MUC5AC: variants seen among roughly 807,000 people sequenced by gnomAD.
MUC5AC encodes mucin-5AC.
MUC5AC carries 158 observed loss-of-function variants against 169.7 expected under a neutral mutation model. The ratio of observed to expected loss-of-function variants is 0.93; its 90% CI spans 0.82 to 1.06. The LOEUF is 1.06. Ranked by LOEUF, MUC5AC falls within the 50% of genes least tolerant of loss-of-function variation. The pLI is 0.00. For synonymous variants in MUC5AC, 1,975 were observed against 1,237.0 expected (o/e 1.60, Z -12.52); for missense variants, 4,359 against 3,089.9 (o/e 1.41, Z -9.74).
intron 37 of MUC5AC, 30 bp from the exon 38 acceptor site, chr11:1,196,358 C>T (rs1861272043): frequency 1.3e-6 from 1 of 763,586 alleles, no homozygotes; most frequent in Non-Finnish European, 2.4e-6. Flanking sequence ...GCCCTCCCAC[C>T]CTCTCAGGTG....
At chr11:1,165,881 G>A (rs1860309951) in intron 11 of MUC5AC, 121 bp downstream of exon 11, 8 of 1,404,408 alleles carry the variant, frequency 5.7e-6, no homozygotes, top group South Asian at 2.6e-5. Flanking sequence ...GGGGGTCCCC[G>A]ATGTTGAGAC....
chr11:1,198,556 C>T (rs968854971), intron 43 of MUC5AC, among the ~76,000 whole-genome samples: 1 of 152,150 alleles, frequency 6.6e-6, no homozygotes, highest in South Asian at 2.1e-4. Flanking sequence ...CCTGGCACCA[C>T]AGCACAGCCA....
intron 1 of MUC5AC, among the ~76,000 whole-genome samples, chr11:1,159,995 GT>G (rs1158311612): frequency 6.8e-6 from 1 of 146,870 alleles, no homozygotes; most frequent in African/African-American, 2.6e-5. Flanking sequence ...CGGGGCTGGG[GT>G]CTGGTCCCAC....
chr11:1,169,594 C>T (rs1860438459), intron 15 of MUC5AC, among the ~76,000 whole-genome samples: 1 of 144,748 alleles, frequency 6.9e-6, no homozygotes, highest in African/African-American at 2.6e-5. Context: ...ACTCACTCAC[C>T]TCACTCACTC....
chr11:1,194,301 T>C lies in MUC5AC; in HGVS notation c.14947T>C (p.Tyr4983His), dbSNP rs572099834. 4.0e-5 allele frequency: 30 copies of C among 755,000 alleles called. No individual in the cohort carries two copies. The Admixed American group carries it at 5.2e-4, about 13-fold the overall frequency. The allele number at this position is 755,000 out of a possible 1,614,324, so 46.8% of individuals were successfully genotyped here. A position where few individuals can be genotyped will look rare whatever the true frequency, so the allele number is the denominator to read the frequency against. Residue 4983 changes from tyrosine to histidine, a missense_variant, in exon 34 of 49, where the codon TAC (tyrosine) becomes CAC (histidine). Tyr to His is a moderately conservative substitution (Grantham distance 83). Transcript: ENST00000621226. ...CTGCCCGAGGTCCATCATCCTGGAG[T>C]ACCACCAGGACCGCGTGGTGCTGAC... Reference protein sequence around the residue: ...LSCPRSIILEYHQDRVVLTRK... With the variant: ...LSCPRSIILEHHQDRVVLTRK...
Position 1,189,421 on chromosome 11 carries a change from G to A in MUC5AC, c.11276G>A (p.Ser3759Asn), listed in dbSNP as rs1162517547. 1.1e-5 allele frequency: 6 copies of A among 560,264 alleles called. No individual in the cohort carries two copies. Among genetic ancestry groups the A allele is most frequent in the South Asian group, 2.6e-5 (1 of 38,948 alleles). 34.7% of individuals were successfully genotyped at this position (560,264 alleles called of 1,614,324 possible). A position where few individuals can be genotyped will look rare whatever the true frequency, so the allele number is the denominator to read the frequency against. ...AGCACAACCTCTGCTCCCACAGCCA[G>A]CACAACGTCAGCTCCTACGAGCACT... ...TTSTTSAPTA[S>N]TTSAPTSTSS... Residue 3759 changes from serine (S) to asparagine (N), a missense_variant, in exon 31 of 49, where the codon AGC becomes AAC. By Grantham distance (46) the Ser-to-Asn change is conservative. Coordinates refer to ENST00000621226, the MANE Select transcript of MUC5AC (RefSeq NM_001304359.2).
At chr11:1,169,947 C>A (rs1860451632) in intron 15 of MUC5AC, among the ~76,000 whole-genome samples, 15 of 144,512 alleles carry the variant, frequency 1.0e-4, no homozygotes, top group Non-Finnish European at 1.1e-4. Context: ...CCCACTCACC[C>A]ACTCACCCAT....
chr11:1,193,621 C>T lies in MUC5AC; in HGVS notation c.14717C>T (p.Ala4906Val), dbSNP rs1861180676. The change falls in exon 33 of 49, where the codon GCT becomes GTT. Residue 4906 changes from alanine (A) to valine (V), a missense_variant. Transcript: ENST00000621226. ...AACGGCTACCCGGCTGTGAAGGTGG[C>T]TGACCAAGATGGCTGCTGCCATCAC... ...CANGYPAVKVADQDGCCHHYQ... is the reference protein window; with the variant it reads ...CANGYPAVKVVDQDGCCHHYQ... 1.3e-6 allele frequency: 1 copy of T among 765,030 alleles called. No individual in the cohort carries two copies. The highest frequency in any genetic ancestry group is 2.4e-6 in the Non-Finnish European group (1 of 417,848). 47.4% of individuals were successfully genotyped at this position (765,030 alleles called of 1,614,324 possible).
rs370717727 is a variant in MUC5AC at position 1,196,705 on chromosome 11, C to A, written c.15814C>A (p.Pro5272Thr). Reference protein sequence around the residue: ...LFSTSAQVCVPTGCPRCLGPH... With the variant: ...LFSTSAQVCVTTGCPRCLGPH... ...CAGCACCAGTGCCCAAGTCTGCGTG[C>A]CCACGGGCTGCCCCAGTACGTGCCC... Residue 5272 changes from proline (P) to threonine (T), a missense_variant, in exon 39 of 49, where the codon CCC becomes ACC. By Grantham distance (38) the Pro-to-Thr change is conservative. Coordinates refer to ENST00000621226, the MANE Select transcript of MUC5AC (RefSeq NM_001304359.2). 4.0e-6 allele frequency: 3 copies of A among 758,102 alleles called. No homozygotes were observed. In the African/African-American group the frequency reaches 5.1e-5, roughly 13 times the overall value. 47.0% of individuals were successfully genotyped at this position (758,102 alleles called of 1,614,324 possible).
At chr11:1,180,769 G>C (rs1474962436) in intron 28 of MUC5AC, among the ~76,000 whole-genome samples, 2 of 152,172 alleles carry the variant, frequency 1.3e-5, no homozygotes, top group African/African-American at 2.4e-5. Flanking sequence ...AACCTCTGGG[G>C]AGCAGGCTCG....
chr11:1,165,447 CA>C lies in MUC5AC; in HGVS notation c.1247+30del, dbSNP rs1325486142. On this transcript the variant is annotated intron_variant, in intron 10 of 48. Transcript: ENST00000621226. ...AGGTCCCAGCCCCCCTCCAGGCCACCAAGGATGTGCTATGGGACAGACCTGC... is the reference window on the plus strand; with the variant it reads ...AGGTCCCAGCCCCCCTCCAGGCCACCAGGATGTGCTATGGGACAGACCTGC... 3,003 of 1,605,642 alleles carry C rather than the reference CA, an allele frequency of 1.9e-3. 46 individuals carry two copies. In the African/African-American group the frequency reaches 0.035, roughly 19 times the overall value.
chr11:1,192,597 T>G, intron 31 of MUC5AC, 72 bp downstream of exon 31: 1 of 732,778 alleles, frequency 1.4e-6, no homozygotes, highest in Non-Finnish European at 2.5e-6. Flanking sequence ...AACGCCAAGC[T>G]GTGATGATGA....
At chr11:1,181,741 G>A (rs1369926511) in intron 30 of MUC5AC, among the ~76,000 whole-genome samples, 2 of 152,182 alleles carry the variant, frequency 1.3e-5, no homozygotes, top group Non-Finnish European at 2.9e-5. Flanking sequence ...TGGGGTGTCA[G>A]GGGTCTGGCA....
intron 3 of MUC5AC, 55 bp downstream of exon 3, chr11:1,161,641 C>T (rs1267306869): frequency 1.3e-6 from 2 of 1,554,346 alleles, no homozygotes; most frequent in Admixed American, 3.7e-5. Flanking sequence ...GCTGAGCTCC[C>T]CGCTCAGGCC....
chr11:1,191,855 C>A lies in MUC5AC; in HGVS notation c.13710C>A (p.Ser4570Arg). The A allele has an allele frequency of 1.3e-6, 1 of 763,172 alleles. No individual in the cohort carries two copies. The highest frequency in any genetic ancestry group is 2.4e-6 in the Non-Finnish European group (1 of 417,552). 47.3% of individuals were successfully genotyped at this position (763,172 alleles called of 1,614,324 possible). Reference sequence around the variant, plus strand: ...CCTCTGGTCCTGGAACTACTCCCAGCCCTGTTCCCACCACCAGCACAACCT... The same window carrying A: ...CCTCTGGTCCTGGAACTACTCCCAGACCTGTTCCCACCACCAGCACAACCT... ...STTSGPGTTP[S>R]PVPTTSTTSA... Residue 4570 changes from serine to arginine, a missense_variant, in exon 31 of 49, where the codon AGC (serine) becomes AGA (arginine). Physicochemically the swap from Ser to Arg is moderately radical, Grantham distance 110. Coordinates refer to ENST00000621226, the MANE Select transcript of MUC5AC (RefSeq NM_001304359.2).
At chr11:1,180,787 C>T (rs1275987654) in intron 28 of MUC5AC, among the ~76,000 whole-genome samples, 1 of 152,120 alleles carries the variant, frequency 6.6e-6, no homozygotes, top group African/African-American at 2.4e-5. Context: ...TCGAGGGGCT[C>T]AGGGGGCGGC....
chr11:1,164,330 C>T lies in MUC5AC; in HGVS notation c.1003+11C>T. 6.2e-7 allele frequency: 1 copy of T among 1,612,032 alleles called. No individual in the cohort carries two copies. The highest frequency in any genetic ancestry group is 8.5e-7 in the Non-Finnish European group (1 of 1,179,820). ...GCCCTGACTTCTGCCGTGAGTGTCC[C>T]AGCCCCCTGTCCCCCAACCCCTTTG... On this transcript the variant is annotated intron_variant, in intron 8 of 48. Transcript: ENST00000621226.
At position 1,195,878 on chromosome 11, in the gene MUC5AC, T is replaced by C; in HGVS notation, c.15461T>C (p.Val5154Ala). The C allele has an allele frequency of 1.5e-6, 1 of 685,658 alleles. No homozygotes were observed. The highest frequency in any genetic ancestry group is 2.7e-6 in the Non-Finnish European group (1 of 371,122). The allele number at this position is 685,658 out of a possible 1,614,324, so 42.5% of individuals were successfully genotyped here. The change falls in exon 37 of 49, where the codon GTC becomes GCC. Residue 5154 changes from valine to alanine, a missense_variant and splice_region_variant. By Grantham distance (64) the Val-to-Ala change is moderately conservative. Coordinates refer to ENST00000621226, the MANE Select transcript of MUC5AC (RefSeq NM_001304359.2). ...CACCCTGCCCATCCCTCCCACAGGG[T>C]CTTTGAGCCGTGCCACACTGTGATC... is the stretch of plus-strand genomic sequence containing the variant. ...SPICQLILSK[V>A]FEPCHTVIPP...
In MUC5AC at chr11:1,198,947, C is replaced by A. The variant is rs928459607; in HGVS notation, c.16247C>A (p.Ala5416Glu). The change falls in exon 44 of 49, where the codon GCG becomes GAG. Residue 5416 changes from alanine (A) to glutamate (E), a missense_variant. Coordinates refer to ENST00000621226, the MANE Select transcript of MUC5AC (RefSeq NM_001304359.2). ...CTGCCGGGTGGCCCCCCATCGGACG[C>A]GTTTGTGGTCAGCTGTGAGACCCAG... is the stretch of plus-strand genomic sequence containing the variant. The part of the protein sequence containing the change: ...CELPGGPPSD[A>E]FVVSCETQIC... 6.5e-6 allele frequency: 5 copies of A among 763,388 alleles called. No individual in the cohort carries two copies. The highest frequency in any genetic ancestry group is 1.2e-5 in the Non-Finnish European group (5 of 417,342). The allele number at this position is 763,388 out of a possible 1,614,324, so 47.3% of individuals were successfully genotyped here.
Sources: allele counts gnomAD v4.1 joint callset (sites outside exome capture counted in the v4.1 genomes callset), GRCh38; gene constraint gnomAD v4.1.1; transcripts MANE v1.5; gene names NCBI Gene and HGNC (gene_info 2026-07-23, HGNC 2026-07-21).